The following ELOVL7 variants were observed in gnomAD, a reference collection of about 807,000 sequenced individuals.
The protein encoded by ELOVL7 is ELOVL fatty acid elongase 7.
In ELOVL7, 27 loss-of-function variants were observed where a neutral mutation model predicts 35.7. The observed-to-expected ratio is 0.76, with a 90% CI of 0.56 to 1.04. The LOEUF (loss-of-function observed/expected upper bound fraction) is 1.04. Among genes scored for constraint, ELOVL7 ranks in the 50% least tolerant of loss-of-function variants. The pLI, the probability that ELOVL7 is intolerant of heterozygous loss-of-function variation, is 0.00. For synonymous variants in ELOVL7, 113 were observed against 114.6 expected, an observed-to-expected ratio of 0.99 and a Z score of 0.09; for missense variants, 327 against 340.8, an observed-to-expected ratio of 0.96 and a Z score of 0.32.
At chr5:60,755,279 T>C (rs918183035) in intron 8 of ELOVL7, among the ~76,000 whole-genome samples, 1 of 152,174 alleles carries the variant, frequency 6.6e-6, no homozygotes, top group Non-Finnish European at 1.5e-5. Flanking sequence ...AATAATAACA[T>C]TTTACTTAGA....
At chr5:60,805,151 G>A (rs1327559696) in intron 1 of ELOVL7, among the ~76,000 whole-genome samples, 1 of 152,196 alleles carries the variant, frequency 6.6e-6, no homozygotes, top group African/African-American at 2.4e-5. Flanking sequence ...GTGCACAGCT[G>A]AGAGAAAGGA....
Position 60,767,853 on chromosome 5 carries a change from A to G in ELOVL7, c.306T>C (p.Val102=). ...AAGCTGTGGGTGACCGTGAATAGTC[A>G]ACAATGTCACATCGAAATGAATAAC... ...GIGYSFRCDI[V]DYSRSPTALR... The change falls in exon 5 of 9, where the codon GTT becomes GTC. Residue 102 remains valine, a synonymous_variant. Coordinates refer to ENST00000508821, the MANE Select transcript of ELOVL7 (RefSeq NM_024930.3). The G allele has an allele frequency of 1.2e-6, 2 of 1,613,976 alleles. No individual in the cohort carries two copies. Among genetic ancestry groups the G allele is most frequent in the South Asian group, 2.2e-5 (2 of 91,074 alleles).
At chr5:60,760,171 G>A (rs1741812424) in intron 7 of ELOVL7, among the ~76,000 whole-genome samples, 1 of 152,158 alleles carries the variant, frequency 6.6e-6, no homozygotes, top group African/African-American at 2.4e-5. Context: ...GGATGGCTGG[G>A]TCAAATGGTA....
At position 60,754,373 on chromosome 5, in the gene ELOVL7, G is replaced by T; in HGVS notation, c.*251C>A. ...CAAAATGTTTTAAACAAAACCTTTG[G>T]ATTAGGTTTAAAAGCAGCTAAAAAA... On this transcript the variant is annotated 3_prime_UTR_variant, in exon 9 of 9. Transcript: ENST00000508821. 2.2e-6 allele frequency: 1 copy of T among 447,330 alleles called. No individual in the cohort carries two copies. The highest frequency in any genetic ancestry group is 4.0e-6 in the Non-Finnish European group (1 of 248,136). 27.7% of individuals were successfully genotyped at this position (447,330 alleles called of 1,614,324 possible).
chr5:60,841,553 T>A (rs543311820), intron 1 of ELOVL7, among the ~76,000 whole-genome samples: 1 of 152,250 alleles, frequency 6.6e-6, no homozygotes, highest in African/African-American at 2.4e-5. Context: ...TGGCAATGCC[T>A]CTTGGGAGCA....
At chr5:60,843,124 C>A (rs1561482494) in intron 1 of ELOVL7, among the ~76,000 whole-genome samples, 1 of 152,150 alleles carries the variant, frequency 6.6e-6, no homozygotes, top group South Asian at 2.1e-4. Context: ...GTTAAGTGAA[C>A]ATGCTTTCCG....
intron 1 of ELOVL7, among the ~76,000 whole-genome samples, chr5:60,805,676 T>A (rs1744884850): frequency 1.3e-5 from 2 of 152,190 alleles, no homozygotes; most frequent in Non-Finnish European, 2.9e-5. Context: ...CTGGGAAGGA[T>A]CCAGCATAAG....
chr5:60,833,015 G>A (rs1358090715), intron 1 of ELOVL7, among the ~76,000 whole-genome samples: 2 of 152,174 alleles, frequency 1.3e-5, no homozygotes, highest in African/African-American at 4.8e-5. Context: ...TAACATGGGG[G>A]AAGCATAATC....
rs1741353792 is a variant in ELOVL7 at position 60,753,127 on chromosome 5, G to A, written c.*1497C>T. 6.6e-6 allele frequency: 1 copy of A among 151,778 alleles called. No individual in the cohort carries two copies. The highest frequency in any genetic ancestry group is 1.9e-4 in the East Asian group (1 of 5,188). The allele number at this position is 151,778 out of a possible 1,614,324, so 9.4% of individuals were successfully genotyped here. On this transcript the variant is annotated 3_prime_UTR_variant, in exon 9 of 9. Transcript: ENST00000508821. ...CAGAGTACAATAAGTATCTCTGTGT[G>A]TTCAAAATTAACTGGGGCTTTAAGT... is the stretch of plus-strand genomic sequence containing the variant.
chr5:60,767,535 A>G (rs926187289), intron 5 of ELOVL7, among the ~76,000 whole-genome samples: 1 of 152,234 alleles, frequency 6.6e-6, no homozygotes, highest in African/African-American at 2.4e-5. Flanking sequence ...ACCCAGAAGC[A>G]GAATTGCTGG....
At chr5:60,801,201 T>C (rs1744590499) in intron 1 of ELOVL7, among the ~76,000 whole-genome samples, 1 of 152,114 alleles carries the variant, frequency 6.6e-6, no homozygotes, top group Non-Finnish European at 1.5e-5. Flanking sequence ...GTGCTCAGAT[T>C]ATAGGCATGA....
At chr5:60,774,157 C>T (rs1282455622) in intron 3 of ELOVL7, among the ~76,000 whole-genome samples, 1 of 152,044 alleles carries the variant, frequency 6.6e-6, no homozygotes, top group Non-Finnish European at 1.5e-5. Context: ...ATCCTGACAC[C>T]AAAATCTGGC....
intron 1 of ELOVL7, among the ~76,000 whole-genome samples, chr5:60,800,829 C>T (rs186949467): frequency 1.3e-5 from 2 of 152,318 alleles, no homozygotes; most frequent in East Asian, 3.9e-4. Context: ...GCCAATTGTA[C>T]ATATTTTCAA....
rs6889075 is a variant in ELOVL7 at position 60,764,446 on chromosome 5, G to C, written c.394-114C>G. On this transcript the variant is annotated intron_variant, in intron 6 of 8. Coordinates refer to ENST00000508821, the MANE Select transcript of ELOVL7 (RefSeq NM_024930.3). ...TTTCATATCATAATTTCCTCTAAAA[G>C]TGTTGCCTTATAGAATGCTTACAGA... is the stretch of plus-strand genomic sequence containing the variant. The C allele has an allele frequency of 8.3e-4, 683 of 823,900 alleles. 10 individuals carry two copies. In the African/African-American group the frequency reaches 0.011, roughly 13 times the overall value. The allele number at this position is 823,900 out of a possible 1,614,324, so 51.0% of individuals were successfully genotyped here.
chr5:60,790,888 T>C (rs1424397103), intron 2 of ELOVL7, among the ~76,000 whole-genome samples: 3 of 152,234 alleles, frequency 2.0e-5, no homozygotes, highest in East Asian at 1.9e-4. Flanking sequence ...GTAAGGTTTG[T>C]AGCACAGAAT....
At chr5:60,788,770 G>A (rs1743751128) in intron 2 of ELOVL7, among the ~76,000 whole-genome samples, 1 of 152,002 alleles carries the variant, frequency 6.6e-6, no homozygotes, top group Non-Finnish European at 1.5e-5. Flanking sequence ...TCCAGCCTGG[G>A]CAACAGAGTG....
Position 60,754,564 on chromosome 5 carries a change from T to TGCATAGGTAAGTGACA in ELOVL7, c.*59_*60insTGTCACTTACCTATGC. On this transcript the variant is annotated 3_prime_UTR_variant, in exon 9 of 9. Transcript: ENST00000508821. ...ATACAAAATGCACTGCATAGGTAAA[T>TGCATAGGTAAGTGACA]ATCTCTTGATTGTCAAGGAAGACAA... The TGCATAGGTAAGTGACA allele has an allele frequency of 1.1e-5, 16 of 1,466,984 alleles. No individual in the cohort carries two copies. Among genetic ancestry groups the TGCATAGGTAAGTGACA allele is most frequent in the Non-Finnish European group, 1.5e-5 (16 of 1,049,928 alleles). 90.9% of individuals were successfully genotyped at this position (1,466,984 alleles called of 1,614,324 possible).
At chr5:60,837,734 G>C (rs1746912545) in intron 1 of ELOVL7, among the ~76,000 whole-genome samples, 1 of 152,088 alleles carries the variant, frequency 6.6e-6, no homozygotes, top group African/African-American at 2.4e-5. Context: ...CTGAGGTCGG[G>C]AGTTTGAGAC....
At chr5:60,803,732 T>C (rs1408040791) in intron 1 of ELOVL7, among the ~76,000 whole-genome samples, 1 of 152,154 alleles carries the variant, frequency 6.6e-6, no homozygotes, top group African/African-American at 2.4e-5. Context: ...AAAATAGATG[T>C]TTCCCATCCC....
Sources: allele counts gnomAD v4.1 joint callset (sites outside exome capture counted in the v4.1 genomes callset), GRCh38; gene constraint gnomAD v4.1.1; transcripts MANE v1.5; gene names NCBI Gene and HGNC (gene_info 2026-07-23, HGNC 2026-07-21).